TTC7B: variants seen among roughly 807,000 people sequenced by gnomAD.
The protein encoded by TTC7B is tetratricopeptide repeat protein 7B.
Under a neutral mutation model 106.8 loss-of-function variants are expected in TTC7B, and 28 were observed. The observed-to-expected ratio is 0.26, with a 90% CI of 0.19 to 0.36. The LOEUF is 0.36. Among genes scored for constraint, TTC7B ranks in the 10% least tolerant of loss-of-function variants. The pLI is 1.00. For synonymous variants in TTC7B, 405 were observed against 430.6 expected, an observed-to-expected ratio of 0.94 and a Z score of 0.74; for missense variants, 862 against 1,076.4, an observed-to-expected ratio of 0.80 and a Z score of 2.79.
At position 90,532,520 on chromosome 14, in the gene TTC7B, C is replaced by T. The variant is rs1330179977; in HGVS notation, c.*8848G>A. 1 of 152,222 alleles carries T rather than the reference C, an allele frequency of 6.6e-6. No homozygotes were observed. Among genetic ancestry groups the T allele is most frequent in the African/African-American group, 2.4e-5 (1 of 41,438 alleles). 9.4% of individuals were successfully genotyped at this position (152,222 alleles called of 1,614,324 possible). On this transcript the variant is annotated 3_prime_UTR_variant, in exon 20 of 20. Transcript: ENST00000328459. ...CTTAAAGGTGAAGAAGCCCAGTGTC[C>T]TCCAGGGTGGGCACCTTCTTGTCAC...
intron 6 of TTC7B, among the ~76,000 whole-genome samples, chr14:90,692,500 T>C (rs1309243212): frequency 2.6e-5 from 4 of 152,258 alleles, no homozygotes; most frequent in African/African-American, 9.6e-5. Context: ...CTTATGAATG[T>C]CATTAGATGG....
rs57582479 is a variant in TTC7B at position 90,628,613 on chromosome 14, A to C, written c.1752-10568T>G. Among the ~76,000 whole-genome samples the C allele has an allele frequency of 7.8e-4, 119 of 152,276 alleles. 1 individual carries two copies. Among genetic ancestry groups the C allele is most frequent in the African/African-American group, 2.7e-3 (112 of 41,536 alleles). On this transcript the variant is annotated intron_variant, in intron 15 of 19. Coordinates refer to ENST00000328459, the MANE Select transcript of TTC7B (RefSeq NM_001010854.2). ...GTGATATAGAAATGGCGCCTTCTGC[A>C]CAGTCAGGAGGGAACTAGGAAGGAA...
intron 5 of TTC7B, among the ~76,000 whole-genome samples, chr14:90,724,012 C>G (rs1888992371): frequency 6.6e-6 from 1 of 152,178 alleles, no homozygotes; most frequent in Non-Finnish European, 1.5e-5. Context: ...CCAGACTGGT[C>G]TCATATCCTG....
chr14:90,777,265 G>A (rs996621284), intron 3 of TTC7B, among the ~76,000 whole-genome samples: 2 of 152,142 alleles, frequency 1.3e-5, no homozygotes, highest in Non-Finnish European at 2.9e-5. Context: ...TTTTAAAAGA[G>A]TGAATGAGAT....
At chr14:90,774,679 A>G (rs1220438659) in intron 3 of TTC7B, among the ~76,000 whole-genome samples, 1 of 152,204 alleles carries the variant, frequency 6.6e-6, no homozygotes, top group Non-Finnish European at 1.5e-5. Context: ...CTCCAACATC[A>G]GCAACAACTT....
chr14:90,573,547 TCTCCGG>T (rs1891129753), intron 19 of TTC7B, among the ~76,000 whole-genome samples: 1 of 89,584 alleles, frequency 1.1e-5, no homozygotes, highest in Non-Finnish European at 2.2e-5. Context: ...TCACGGTCCC[TCTCCGG>T]CTCACGGTCC....
At chr14:90,758,934 G>T (rs955341828) in intron 3 of TTC7B, among the ~76,000 whole-genome samples, 1 of 152,164 alleles carries the variant, frequency 6.6e-6, no homozygotes, top group Admixed American at 6.5e-5. Context: ...GTGTCTAGAA[G>T]GAATTATTTT....
At chr14:90,633,223 G>A (rs534140061) in intron 15 of TTC7B, among the ~76,000 whole-genome samples, 1 of 152,204 alleles carries the variant, frequency 6.6e-6, no homozygotes, top group African/African-American at 2.4e-5. Flanking sequence ...GGTTTGCTTT[G>A]TGGTGACATC....
chr14:90,556,296 C>T (rs1432024575), intron 19 of TTC7B, among the ~76,000 whole-genome samples: 2 of 152,192 alleles, frequency 1.3e-5, no homozygotes, highest in African/African-American at 2.4e-5. Context: ...ATTCCAGAGT[C>T]TCCAGCCTCC....
intron 19 of TTC7B, among the ~76,000 whole-genome samples, chr14:90,557,769 G>A (rs1009842930): frequency 3.3e-5 from 5 of 152,250 alleles, no homozygotes; most frequent in African/African-American, 1.2e-4. Flanking sequence ...GGCTCACTGA[G>A]CAGTGCAGCC....
At chr14:90,670,423 A>G (rs149132654) in intron 9 of TTC7B, among the ~76,000 whole-genome samples, 1 of 152,196 alleles carries the variant, frequency 6.6e-6, no homozygotes, top group Non-Finnish European at 1.5e-5. Flanking sequence ...GTGGAAATAG[A>G]TAGTGATGAT....
chr14:90,724,655 G>A (rs1418736837), intron 5 of TTC7B, among the ~76,000 whole-genome samples: 1 of 152,150 alleles, frequency 6.6e-6, no homozygotes, highest in Non-Finnish European at 1.5e-5. Flanking sequence ...ATTTCTTGGG[G>A]CCTCCCCATA....
chr14:90,663,619 G>T lies in TTC7B; in HGVS notation c.1153-5232C>A, dbSNP rs184335807. On this transcript the variant is annotated intron_variant, in intron 9 of 19. Coordinates refer to ENST00000328459, the MANE Select transcript of TTC7B (RefSeq NM_001010854.2). The surrounding 1 kb of genome is among the most constrained non-coding windows in gnomAD (Gnocchi z 4.5). ...CATCGCAAAGTTCTCAATCGACAAAGATTACATGAGTCCTGTGTTTCCTCT... is the reference window on the plus strand; with the variant it reads ...CATCGCAAAGTTCTCAATCGACAAATATTACATGAGTCCTGTGTTTCCTCT... Among the ~76,000 whole-genome samples the T allele has an allele frequency of 1.6e-3, 246 of 152,280 alleles. 1 individual carries two copies. The highest frequency in any genetic ancestry group is 5.8e-3 in the African/African-American group (239 of 41,552).
At chr14:90,719,614 G>A (rs1236841765) in intron 5 of TTC7B, among the ~76,000 whole-genome samples, 1 of 152,202 alleles carries the variant, frequency 6.6e-6, no homozygotes, top group Non-Finnish European at 1.5e-5. Flanking sequence ...CACTTGAGGT[G>A]AAAAGGAACA....
chr14:90,550,182 C>T (rs996838630), intron 19 of TTC7B, among the ~76,000 whole-genome samples: 2 of 152,088 alleles, frequency 1.3e-5, no homozygotes, highest in African/African-American at 4.8e-5. Context: ...GCTCCCATTC[C>T]ACAGGTTGCA....
intron 1 of TTC7B, among the ~76,000 whole-genome samples, chr14:90,812,531 T>C (rs1257160158): frequency 6.6e-6 from 1 of 151,706 alleles, no homozygotes; most frequent in Admixed American, 6.6e-5. Flanking sequence ...GGCCCAAGAA[T>C]CCGCATTTCT....
chr14:90,544,053 C>T (rs934040203), intron 19 of TTC7B, among the ~76,000 whole-genome samples: 2 of 152,180 alleles, frequency 1.3e-5, no homozygotes, highest in African/African-American at 4.8e-5. Flanking sequence ...AGACCCATGG[C>T]CGAGGGCAGT....
At chr14:90,679,643 C>T (rs1366871852) in intron 8 of TTC7B, among the ~76,000 whole-genome samples, 2 of 152,116 alleles carry the variant, frequency 1.3e-5, no homozygotes, top group African/African-American at 4.8e-5. Flanking sequence ...GGACGCGAGC[C>T]CTCAAGATCT....
At chr14:90,804,761 T>C (rs1016800482) in intron 1 of TTC7B, among the ~76,000 whole-genome samples, 2 of 152,206 alleles carry the variant, frequency 1.3e-5, no homozygotes, top group African/African-American at 2.4e-5. Flanking sequence ...GCTAGCTCAC[T>C]TCAGAGAAAA....
Sources: gnomAD v4.1 joint callset for allele counts (sites outside exome capture counted in the v4.1 genomes callset) on GRCh38, gnomAD v4.1.1 for gene constraint, Gnocchi (gnomAD v3.1) non-coding constraint, MANE v1.5 for transcripts, NCBI Gene and HGNC (gene_info 2026-07-23, HGNC 2026-07-21) for gene names.